ITGA1: variants seen among roughly 807,000 people sequenced by gnomAD.
ITGA1 encodes the protein integrin subunit alpha 1.
ITGA1 carries 85 observed loss-of-function variants against 145.9 expected under a neutral mutation model. The ratio of observed to expected loss-of-function variants is 0.58; its 90% CI spans 0.49 to 0.70. ITGA1 has a LOEUF of 0.70. Ranked by LOEUF, ITGA1 falls within the 30% of genes least tolerant of loss-of-function variation. ITGA1 has a pLI of 0.00. For synonymous variants in ITGA1, 520 were observed against 495.3 expected (o/e 1.05, Z -0.66); for missense variants, 1,351 against 1,418.7 (o/e 0.95, Z 0.77).
chr5:52,850,102 A>C (rs920724337), intron 2 of ITGA1, among the ~76,000 whole-genome samples: 1 of 151,148 alleles, frequency 6.6e-6, no homozygotes, highest in Non-Finnish European at 1.5e-5. Flanking sequence ...TCCTGGGTTC[A>C]AGTGATTCTC....
intron 1 of ITGA1, chr5:52,800,127 C>T (rs1372608245): frequency 2.1e-5 from 9 of 429,744 alleles, no homozygotes; most frequent in South Asian, 2.9e-5. Flanking sequence ...GTGCTGCCAG[C>T]GGGAACTGTG....
chr5:52,944,064 A>G (rs553636489), intron 26 of ITGA1, among the ~76,000 whole-genome samples: 26 of 152,254 alleles, frequency 1.7e-4, no homozygotes, highest in African/African-American at 6.0e-4. Context: ...CCCCAGTCCC[A>G]TGGGGAATGC....
At chr5:52,879,345 C>G (rs1039399271) in intron 6 of ITGA1, among the ~76,000 whole-genome samples, 1 of 152,140 alleles carries the variant, frequency 6.6e-6, no homozygotes, top group Non-Finnish European at 1.5e-5. Flanking sequence ...ACAAAGCAAA[C>G]TGTAAGATGT....
chr5:52,825,523 T>A, intron 1 of ITGA1, among the ~76,000 whole-genome samples: 1 of 152,202 alleles, frequency 6.6e-6, no homozygotes, highest in East Asian at 1.9e-4. Flanking sequence ...ATGGAAATTT[T>A]GATAAGTGTG....
At chr5:52,922,664 C>A (rs1750747967) in intron 17 of ITGA1, 113 bp from the exon 18 acceptor site, 1 of 701,356 alleles carries the variant, frequency 1.4e-6, no homozygotes, top group Non-Finnish European at 2.5e-6. Flanking sequence ...AGATTAGATG[C>A]ACAAGAATGC....
At chr5:52,950,138 G>A (rs992437747) in intron 28 of ITGA1, among the ~76,000 whole-genome samples, 5 of 152,192 alleles carry the variant, frequency 3.3e-5, no homozygotes, top group African/African-American at 1.2e-4. Flanking sequence ...TGTAGGGGAC[G>A]TAGGTTTAAA....
intron 28 of ITGA1, among the ~76,000 whole-genome samples, chr5:52,950,209 A>G (rs1367856731): frequency 1.3e-5 from 2 of 152,188 alleles, no homozygotes. Flanking sequence ...CCAGCACACC[A>G]GGAGCCATGA....
intron 1 of ITGA1, among the ~76,000 whole-genome samples, chr5:52,836,585 G>C (rs968115339): frequency 6.6e-6 from 1 of 152,056 alleles, no homozygotes; most frequent in Admixed American, 6.6e-5. Context: ...CCGCCACTTG[G>C]TTGTTCATTT....
At chr5:52,849,135 T>G (rs1749386260) in intron 1 of ITGA1, among the ~76,000 whole-genome samples, 1 of 152,222 alleles carries the variant, frequency 6.6e-6, no homozygotes, top group Non-Finnish European at 1.5e-5. Flanking sequence ...TAGTTCTAGA[T>G]CCTTGAGGAA....
chr5:52,841,301 A>G (rs886478770), intron 1 of ITGA1, among the ~76,000 whole-genome samples: 2 of 152,182 alleles, frequency 1.3e-5, no homozygotes, highest in African/African-American at 2.4e-5. Context: ...AATTTTCTGT[A>G]TTTGAGATTA....
chr5:52,814,562 T>C (rs1460601718), intron 1 of ITGA1, among the ~76,000 whole-genome samples: 2 of 152,238 alleles, frequency 1.3e-5, no homozygotes, highest in Non-Finnish European at 2.9e-5. Flanking sequence ...TACGTAATCA[T>C]ATAAATTAGT....
chr5:52,928,227 T>G (rs1404717162), intron 20 of ITGA1, among the ~76,000 whole-genome samples: 2 of 152,190 alleles, frequency 1.3e-5, no homozygotes, highest in Non-Finnish European at 2.9e-5. Flanking sequence ...GATTTAAAAT[T>G]TATACTACAT....
At chr5:52,878,651 A>G (rs571433872) in intron 6 of ITGA1, among the ~76,000 whole-genome samples, 1 of 152,340 alleles carries the variant, frequency 6.6e-6, no homozygotes, top group African/African-American at 2.4e-5. Flanking sequence ...CAATTAGATT[A>G]AAACCAATAA....
intron 6 of ITGA1, among the ~76,000 whole-genome samples, chr5:52,879,815 C>T (rs1180407794): frequency 6.6e-6 from 1 of 152,142 alleles, no homozygotes; most frequent in East Asian, 1.9e-4. Flanking sequence ...CAGAACAAGG[C>T]TAACCTGGAC....
chr5:52,829,290 C>T (rs1346967777), intron 1 of ITGA1, among the ~76,000 whole-genome samples: 2 of 151,976 alleles, frequency 1.3e-5, no homozygotes, highest in African/African-American at 4.8e-5. Context: ...CTTTGGGAGG[C>T]CGAGGTGGGT....
intron 24 of ITGA1, among the ~76,000 whole-genome samples, chr5:52,938,599 T>C (rs1183061085): frequency 6.6e-6 from 1 of 152,204 alleles, no homozygotes; most frequent in Non-Finnish European, 1.5e-5. Context: ...AATTGTACTT[T>C]TCATACTGCT....
intron 1 of ITGA1, among the ~76,000 whole-genome samples, chr5:52,793,312 T>C (rs1343758644): frequency 6.6e-6 from 1 of 151,986 alleles, no homozygotes; most frequent in Non-Finnish European, 1.5e-5. Flanking sequence ...ACTCAGAAAA[T>C]ACTTAAGGGA....
intron 14 of ITGA1, among the ~76,000 whole-genome samples, chr5:52,915,092 G>C (rs982794922): frequency 6.6e-6 from 1 of 152,284 alleles, no homozygotes; most frequent in Non-Finnish European, 1.5e-5. Context: ...CCCCTTTGCT[G>C]ATATGATATG....
intron 15 of ITGA1, among the ~76,000 whole-genome samples, chr5:52,917,840 T>A (rs1299859735): frequency 2.0e-5 from 3 of 152,226 alleles, no homozygotes; most frequent in African/African-American, 7.2e-5. Flanking sequence ...GATGTTTATA[T>A]TTTCTATGAG....
Sources: allele counts gnomAD v4.1 joint callset (sites outside exome capture counted in the v4.1 genomes callset), GRCh38; gene constraint gnomAD v4.1.1; transcripts MANE v1.5; gene names NCBI Gene and HGNC (gene_info 2026-07-23, HGNC 2026-07-21).